SHROOM4: variants seen among roughly 807,000 people sequenced by gnomAD.
The protein encoded by SHROOM4 is shroom family member 4, also known as protein Shroom4.
In SHROOM4, 17 loss-of-function variants were observed where a neutral mutation model predicts 80.3. The observed-to-expected ratio is 0.21, with a 90% confidence interval of 0.14 to 0.32. The LOEUF (loss-of-function observed/expected upper bound fraction) is 0.32. Among genes scored for constraint, SHROOM4 ranks in the 10% least tolerant of loss-of-function variants. The pLI is 1.00. For missense variants in SHROOM4, 993 were observed against 1,140.3 expected, an observed-to-expected ratio of 0.87 and a Z score of 1.86; for synonymous variants, 400 against 437.5, an observed-to-expected ratio of 0.91 and a Z score of 1.07.
At chrX:50,686,457 C>T (rs1341847820) in intron 2 of SHROOM4, among the ~76,000 whole-genome samples, 4 of 111,570 alleles carry the variant, frequency 3.6e-5, no homozygotes, top group Non-Finnish European at 5.6e-5. Flanking sequence ...GTTTCAGGTA[C>T]TTTCATATAT....
intron 5 of SHROOM4, among the ~76,000 whole-genome samples, chrX:50,615,101 TGTG>T (rs1930178204): frequency 2.4e-5 from 1 of 41,177 alleles, no homozygotes; most frequent in African/African-American, 2.0e-4. Flanking sequence ...TCTCTTATTG[TGTG>T]TGTGTGTGTG....
intron 1 of SHROOM4, among the ~76,000 whole-genome samples, chrX:50,703,026 A>C (rs1933561607): frequency 8.9e-6 from 1 of 111,871 alleles, no homozygotes; most frequent in Non-Finnish European, 1.9e-5. Flanking sequence ...AAGGCAAAAC[A>C]TTTCTCTTAA....
chrX:50,582,737 T>C (rs887952531), downstream of SHROOM4, among the ~76,000 whole-genome samples: 1 of 112,066 alleles, frequency 8.9e-6, no homozygotes, highest in East Asian at 2.8e-4. Flanking sequence ...TTTTGGTTAC[T>C]ATTGTGAATG....
At chrX:50,688,027 T>TC (rs1198004923) in intron 2 of SHROOM4, among the ~76,000 whole-genome samples, 1 of 110,840 alleles carries the variant, frequency 9.0e-6, no homozygotes, top group Non-Finnish European at 1.9e-5. Flanking sequence ...CATTTTTTTT[T>TC]CCTCTATAGA....
chrX:50,611,242 G>A (rs1191102997), intron 5 of SHROOM4, among the ~76,000 whole-genome samples: 1 of 95,599 alleles, frequency 1.0e-5, no homozygotes, highest in African/African-American at 4.1e-5. Flanking sequence ...TCCGCCTCCC[G>A]GGTTCACGCC....
chrX:50,681,908 G>A (rs930713145), intron 2 of SHROOM4, among the ~76,000 whole-genome samples: 2 of 111,583 alleles, frequency 1.8e-5, no homozygotes, highest in South Asian at 3.8e-4. Flanking sequence ...GTCCCTGATC[G>A]TCTTCTTTTC....
intron 1 of SHROOM4, among the ~76,000 whole-genome samples, chrX:50,804,743 C>T (rs1459571527): frequency 8.9e-6 from 1 of 111,977 alleles, no homozygotes; most frequent in East Asian, 2.8e-4. Context: ...TAGAAAATAG[C>T]AGTATTTGCT....
intron 1 of SHROOM4, among the ~76,000 whole-genome samples, chrX:50,715,210 G>A (rs1476951239): frequency 9.0e-6 from 1 of 110,608 alleles, no homozygotes; most frequent in Non-Finnish European, 1.9e-5. Flanking sequence ...AGGTTAGTAA[G>A]GCCTGTGCAC....
At chrX:50,723,453 T>C (rs1180311573) in intron 1 of SHROOM4, among the ~76,000 whole-genome samples, 3 of 99,174 alleles carry the variant, frequency 3.0e-5, no homozygotes, top group Non-Finnish European at 6.1e-5. Flanking sequence ...GCCTGGGAGG[T>C]TTTTGCAAGA....
chrX:50,752,429 A>G (rs1328006044), intron 1 of SHROOM4, among the ~76,000 whole-genome samples: 1 of 111,780 alleles, frequency 8.9e-6, no homozygotes, highest in Non-Finnish European at 1.9e-5. Context: ...TCAGATTGCC[A>G]TTACAGTCAG....
intron 1 of SHROOM4, among the ~76,000 whole-genome samples, chrX:50,736,532 G>C (rs1934497473): frequency 8.9e-6 from 1 of 111,758 alleles, no homozygotes; most frequent in Admixed American, 9.5e-5. Flanking sequence ...TCCTGCATTA[G>C]TTTGCTGAGG....
chrX:50,630,424 C>T (rs1557253932), intron 4 of SHROOM4, among the ~76,000 whole-genome samples: 4 of 111,782 alleles, frequency 3.6e-5, no homozygotes. Context: ...CCACAACCAA[C>T]TTATGAAGTA....
chrX:50,762,716 C>T lies in SHROOM4; in HGVS notation c.117+51186G>A, dbSNP rs782006528. Among the ~76,000 whole-genome samples, 5 of 111,923 alleles carry T rather than the reference C, an allele frequency of 4.5e-5. No individual in the cohort carries two copies. In the East Asian group the frequency reaches 1.4e-3, roughly 32 times the overall value. ...TTCAAGCACTTTGATTATGTCATCC[C>T]TTTGCCTTCTGGTCTCCATTTTCTT... On this transcript the variant is annotated intron_variant, in intron 1 of 8. Coordinates refer to ENST00000376020, the MANE Select transcript of SHROOM4 (RefSeq NM_020717.5).
intron 1 of SHROOM4, among the ~76,000 whole-genome samples, chrX:50,794,248 T>A: frequency 9.0e-6 from 1 of 111,651 alleles, no homozygotes; most frequent in Non-Finnish European, 1.9e-5. Context: ...TAACTTTTTT[T>A]AACTTCTGAA....
chrX:50,678,423 C>A (rs1932882864), intron 2 of SHROOM4, among the ~76,000 whole-genome samples: 1 of 111,714 alleles, frequency 9.0e-6, no homozygotes, highest in Non-Finnish European at 1.9e-5. Context: ...GACAAAACTG[C>A]AACCCCACCA....
Position 50,607,572 on chromosome X carries a change from G to A in SHROOM4, c.3570C>T (p.His1190=), listed in dbSNP as rs1929722482. The A allele has an allele frequency of 8.3e-7, 1 of 1,211,479 alleles. No homozygotes were observed. The highest frequency in any genetic ancestry group is 1.1e-6 in the Non-Finnish European group (1 of 895,427). ...GTGAACCCTGTCTCGAGCCCTCCAG[G>A]TGGCCAAAGCTGAGGGGTTGTGGCT... The part of the protein sequence containing the change: ...LEQPQPLSFG[H]LEGSRQGSQS... The change falls in exon 6 of 9, where the codon CAC becomes CAT. Residue 1190 remains histidine, a synonymous_variant. Coordinates refer to ENST00000376020, the MANE Select transcript of SHROOM4 (RefSeq NM_020717.5).
chrX:50,725,846 G>A (rs942136965), intron 1 of SHROOM4, among the ~76,000 whole-genome samples: 1 of 112,300 alleles, frequency 8.9e-6, no homozygotes, highest in Non-Finnish European at 1.9e-5. Context: ...CTGCTATAAA[G>A]ATAACCTGAA....
At chrX:50,617,744 C>T (rs920679552) in intron 5 of SHROOM4, among the ~76,000 whole-genome samples, 1 of 108,581 alleles carries the variant, frequency 9.2e-6, no homozygotes, top group Non-Finnish European at 1.9e-5. Flanking sequence ...AGGTACTGGG[C>T]ACAAGGCAAC....
intron 5 of SHROOM4, among the ~76,000 whole-genome samples, chrX:50,612,475 T>C (rs142435823): frequency 0.042 from 4,616 of 111,228 alleles, 215 homozygotes; most frequent in African/African-American, 0.14. Context: ...ATCAAACCAA[T>C]GTTATTTACA....
Sources: allele counts gnomAD v4.1 joint callset (sites outside exome capture counted in the v4.1 genomes callset), GRCh38; gene constraint gnomAD v4.1.1; transcripts MANE v1.5; gene names NCBI Gene and HGNC (gene_info 2026-07-23, HGNC 2026-07-21).